The following SHLD3 variants were observed in gnomAD, a reference collection of about 807,000 sequenced individuals.
SHLD3 encodes the protein REV7-interacting novel NHEJ regulator 1.
Under a neutral mutation model 21.4 loss-of-function variants are expected in SHLD3, and 15 were observed. That is an observed-to-expected ratio of 0.70 (90% CI 0.47 to 1.08). The LOEUF is 1.08. Ranked by LOEUF, SHLD3 falls within the 50% of genes least tolerant of loss-of-function variation. SHLD3 has a pLI of 0.00. For missense variants in SHLD3, 273 were observed against 286.1 expected (o/e 0.95, Z 0.33); for synonymous variants, 103 against 97.2 (o/e 1.06, Z -0.35).
chr5:65,626,605 G>A (rs1388110358), intron 1 of SHLD3, among the ~76,000 whole-genome samples: 2 of 149,888 alleles, frequency 1.3e-5, no homozygotes, highest in East Asian at 3.9e-4. Flanking sequence ...GCGTGGTGGC[G>A]GGCGCCTGTA....
At chr5:65,628,649 T>C (rs893391258) in intron 1 of SHLD3, among the ~76,000 whole-genome samples, 2 of 151,906 alleles carry the variant, frequency 1.3e-5, no homozygotes, top group Non-Finnish European at 2.9e-5. Flanking sequence ...TTTTTGTATC[T>C]TTAGTAGAGC....
Position 65,629,935 on chromosome 5 carries a change from T to C in SHLD3, c.348T>C (p.Asn116=), listed in dbSNP as rs1755456594. ...TGAAGGAACAGACTAATTCTGGAAA[T>C]CTGGGTAAACAATCAGAAAAGGGAA... ...HTLKEQTNSG[N]LGKQSEKGKQ... The change falls in exon 2 of 2, where the codon AAT becomes AAC. Residue 116 remains asparagine, a synonymous_variant. Coordinates refer to ENST00000510585, the MANE Select transcript of SHLD3 (RefSeq NM_001365341.2). 1.0e-5 allele frequency: 16 copies of C among 1,536,060 alleles called. No homozygotes were observed. The highest frequency in any genetic ancestry group is 1.4e-5 in the Non-Finnish European group (16 of 1,146,882).
Position 65,625,077 on chromosome 5 carries a change from C to T in SHLD3, c.-150C>T, listed in dbSNP as rs761739530. The T allele has an allele frequency of 6.2e-7, 1 of 1,613,830 alleles. No homozygotes were observed. Among genetic ancestry groups the T allele is most frequent in the Middle Eastern group, 1.7e-4 (1 of 6,060 alleles). On this transcript the variant is annotated 5_prime_UTR_variant, in exon 1 of 2. Coordinates refer to ENST00000510585, the MANE Select transcript of SHLD3 (RefSeq NM_001365341.2). Reference sequence around the variant, plus strand: ...CCGGTCAAAATGGAAGTGAATCCCCCTAAACAGGAGCACCTGCTGGCGCTA... The same window carrying T: ...CCGGTCAAAATGGAAGTGAATCCCCTTAAACAGGAGCACCTGCTGGCGCTA...
Position 65,630,115 on chromosome 5 carries a change from T to C in SHLD3, c.528T>C (p.Cys176=). ...RARWTIEHTI[C]NSQTLEDIWT... Reference sequence around the variant, plus strand: ...GATGGACAATAGAACACACTATTTGTAACAGCCAAACTCTGGAAGACATTT... The same window carrying C: ...GATGGACAATAGAACACACTATTTGCAACAGCCAAACTCTGGAAGACATTT... The change falls in exon 2 of 2, where the codon TGT becomes TGC. Residue 176 remains cysteine, a synonymous_variant. Coordinates refer to ENST00000510585, the MANE Select transcript of SHLD3 (RefSeq NM_001365341.2). 1 of 1,535,960 alleles carries C rather than the reference T, an allele frequency of 6.5e-7. No homozygotes were observed.
At chr5:65,626,895 C>A (rs1388434402) in intron 1 of SHLD3, among the ~76,000 whole-genome samples, 1 of 151,844 alleles carries the variant, frequency 6.6e-6, no homozygotes, top group African/African-American at 2.4e-5. Flanking sequence ...TGTAATAGCA[C>A]TTTGGGAGGC....
chr5:65,630,318 A>G lies in SHLD3; in HGVS notation c.731A>G (p.Tyr244Cys). Residue 244 changes from tyrosine (Y) to cysteine (C), a missense_variant, in exon 2 of 2, where the codon TAT (tyrosine) becomes TGT (cysteine). Tyr to Cys is a radical substitution (Grantham distance 194). Coordinates refer to ENST00000510585, the MANE Select transcript of SHLD3 (RefSeq NM_001365341.2). The part of the protein sequence containing the change: ...TGKINLFVHK[Y>C]GVIFSM ...AAAATTAATTTATTTGTGCATAAAT[A>G]TGGTGTTATTTTTAGTATGTAATGA... The G allele has an allele frequency of 1.8e-5, 27 of 1,522,174 alleles. No individual in the cohort carries two copies. The highest frequency in any genetic ancestry group is 2.3e-5 in the Non-Finnish European group (26 of 1,138,322). 94.3% of individuals were successfully genotyped at this position (1,522,174 alleles called of 1,614,324 possible).
At position 65,629,842 on chromosome 5, in the gene SHLD3, T is replaced by C. The variant is rs765951607; in HGVS notation, c.255T>C (p.Asp85=). 68 of 1,535,944 alleles carry C rather than the reference T, an allele frequency of 4.4e-5. 2 individuals carry two copies. Among genetic ancestry groups the C allele is most frequent in the South Asian group, 4.2e-4 (35 of 84,064 alleles). The part of the protein sequence containing the change: ...SEHDAKSHSY[D]CTVDLLEFQP... ...ATGATGCTAAGTCACACAGTTATGA[T>C]TGCACAGTAGATCTATTGGAGTTTC... The change falls in exon 2 of 2, where the codon GAT becomes GAC. Residue 85 remains aspartate (D), a synonymous_variant. Transcript: ENST00000510585.
chr5:65,625,882 CAAT>C (rs1353563297), intron 1 of SHLD3: 1 of 152,180 alleles, frequency 6.6e-6, no homozygotes, highest in African/African-American at 2.4e-5. Flanking sequence ...AGGAAATGCT[CAAT>C]AAACATTCGG....
chr5:65,630,149 C>T lies in SHLD3; in HGVS notation c.562C>T (p.Leu188Phe). ...SQTLEDIWTK[L>F]NQIIRHNELP... ...AACTCTGGAAGACATTTGGACAAAA[C>T]TCAATCAAATTATTAGGCACAATGA... Residue 188 changes from leucine to phenylalanine, a missense_variant, in exon 2 of 2, where the codon CTC becomes TTC. Leu to Phe is a conservative substitution (Grantham distance 22). Transcript: ENST00000510585. The T allele has an allele frequency of 1.3e-6, 2 of 1,536,048 alleles. No homozygotes were observed. The highest frequency in any genetic ancestry group is 1.7e-6 in the Non-Finnish European group (2 of 1,146,864).
chr5:65,627,049 T>A (rs1054263682), intron 1 of SHLD3, among the ~76,000 whole-genome samples: 1 of 141,098 alleles, frequency 7.1e-6, no homozygotes, highest in Admixed American at 7.5e-5. Flanking sequence ...GGAGAACCGC[T>A]TGAACCTGGG....
chr5:65,630,221 T>C lies in SHLD3; in HGVS notation c.634T>C (p.Trp212Arg), dbSNP rs773817217. 4.8e-5 allele frequency: 73 copies of C among 1,535,802 alleles called. No individual in the cohort carries two copies. The highest frequency in any genetic ancestry group is 5.4e-5 in the Non-Finnish European group (62 of 1,146,814). The change falls in exon 2 of 2, where the codon TGG becomes CGG. Residue 212 changes from tryptophan (W) to arginine (R), a missense_variant. Trp to Arg is a moderately radical substitution (Grantham distance 101). Coordinates refer to ENST00000510585, the MANE Select transcript of SHLD3 (RefSeq NM_001365341.2). ...ATIQRHLGQI[W>R]VFCDIMYCEY... ...AATTCAGAGGCATTTAGGCCAAATA[T>C]GGGTGTTCTGTGATATTATGTATTG...
rs1755498356 is a variant in SHLD3, at chr5:65,630,559, T to G, written c.*219T>G. 8.3e-7 allele frequency: 1 copy of G among 1,208,128 alleles called. No homozygotes were observed. Among genetic ancestry groups the G allele is most frequent in the South Asian group, 3.1e-5 (1 of 32,492 alleles). 74.8% of individuals were successfully genotyped at this position (1,208,128 alleles called of 1,614,324 possible). ...TGAATTTGAAGGTAAAAATGTTCTG[T>G]TCCTTTTGTTACAAACTGTGATTGA... On this transcript the variant is annotated 3_prime_UTR_variant, in exon 2 of 2. Transcript: ENST00000510585.
chr5:65,626,731 A>G (rs903013409), intron 1 of SHLD3, among the ~76,000 whole-genome samples: 1 of 152,148 alleles, frequency 6.6e-6, no homozygotes, highest in East Asian at 1.9e-4. Flanking sequence ...GCGAGACTCC[A>G]TCTCAAAAAA....
In SHLD3 at chr5:65,629,968, C is replaced by G. The variant is rs78814996; in HGVS notation, c.381C>G (p.His127Gln). ...LGKQSEKGKQ[H>Q]KRRSWSISLP... ...AACAATCAGAAAAGGGAAAACAGCA[C>G]AAGAGGAGATCTTGGAGTATTTCCC... Residue 127 changes from histidine to glutamine, a missense_variant, in exon 2 of 2, where the codon CAC becomes CAG. Transcript: ENST00000510585. 6.5e-7 allele frequency: 1 copy of G among 1,535,872 alleles called. No homozygotes were observed. Among genetic ancestry groups the G allele is most frequent in the Non-Finnish European group, 8.7e-7 (1 of 1,146,868 alleles).
intron 1 of SHLD3, among the ~76,000 whole-genome samples, chr5:65,628,687 G>A (rs1323602023): frequency 6.6e-6 from 1 of 151,812 alleles, no homozygotes; most frequent in African/African-American, 2.4e-5. Context: ...GGCCAGGCTG[G>A]TCTCAAGCTC....
intron 1 of SHLD3, among the ~76,000 whole-genome samples, chr5:65,628,014 G>A (rs1755329146): frequency 1.3e-5 from 2 of 152,216 alleles, no homozygotes; most frequent in South Asian, 4.1e-4. Context: ...TTTTTGGGGA[G>A]AAGGGATTCA....
In SHLD3 at chr5:65,629,939, G is replaced by T. The variant is rs187895776; in HGVS notation, c.352G>T (p.Gly118Cys). The change falls in exon 2 of 2, where the codon GGT (glycine) becomes TGT (cysteine). Residue 118 changes from glycine to cysteine, a missense_variant. Gly to Cys is a radical substitution (Grantham distance 159). Transcript: ENST00000510585. Reference sequence around the variant, plus strand: ...GGAACAGACTAATTCTGGAAATCTGGGTAAACAATCAGAAAAGGGAAAACA... The same window carrying T: ...GGAACAGACTAATTCTGGAAATCTGTGTAAACAATCAGAAAAGGGAAAACA... Reference protein sequence around the residue: ...LKEQTNSGNLGKQSEKGKQHK... With the variant: ...LKEQTNSGNLCKQSEKGKQHK... The T allele has an allele frequency of 1.3e-4, 203 of 1,536,004 alleles. No individual in the cohort carries two copies. The highest frequency in any genetic ancestry group is 1.6e-4 in the Non-Finnish European group (184 of 1,146,868).
At chr5:65,629,166 C>CT (rs1179359452) in intron 1 of SHLD3, among the ~76,000 whole-genome samples, 2 of 152,112 alleles carry the variant, frequency 1.3e-5, no homozygotes, top group Non-Finnish European at 2.9e-5. Context: ...AGTTTTAAGA[C>CT]TATTATTACT....
At chr5:65,627,661 C>G (rs1196121281) in intron 1 of SHLD3, among the ~76,000 whole-genome samples, 5 of 151,596 alleles carry the variant, frequency 3.3e-5, no homozygotes, top group African/African-American at 4.9e-5. Flanking sequence ...GAGTATAACA[C>G]TGATTGACTT....
Sources: gnomAD v4.1 joint callset for allele counts (sites outside exome capture counted in the v4.1 genomes callset) on GRCh38, gnomAD v4.1.1 for gene constraint, MANE v1.5 for transcripts, NCBI Gene and HGNC (gene_info 2026-07-23, HGNC 2026-07-21) for gene names.